The following NAV2 variants were observed in gnomAD, a reference collection of about 807,000 sequenced individuals.
NAV2 encodes the protein neuron navigator 2.
A neutral mutation model predicts 223.2 loss-of-function variants in NAV2; 54 were observed. The ratio of observed to expected loss-of-function variants is 0.24; its 90% CI spans 0.19 to 0.30. The LOEUF (loss-of-function observed/expected upper bound fraction) is 0.30. Among genes scored for constraint, NAV2 ranks in the 10% least tolerant of loss-of-function variants. The probability of loss-of-function intolerance (pLI) is 1.00; values close to 1 mark genes in which losing one functional copy is unlikely to be tolerated. For missense variants in NAV2, 2,806 were observed against 3,147.5 expected, an observed-to-expected ratio of 0.89 and a Z score of 2.60; for synonymous variants, 1,279 against 1,239.3, an observed-to-expected ratio of 1.03 and a Z score of -0.67.
At chr11:19,743,193 C>A (rs188994684) in intron 1 of NAV2, among the ~76,000 whole-genome samples, 1 of 152,266 alleles carries the variant, frequency 6.6e-6, no homozygotes, top group Non-Finnish European at 1.5e-5. Context: ...CATAAGGCCA[C>A]TGTGAGGCTC....
Position 19,959,689 on chromosome 11 carries a change from C to T in NAV2, c.2645+10609C>T, listed in dbSNP as rs189885373. On this transcript the variant is annotated intron_variant, in intron 10 of 37. Transcript: ENST00000349880. ...ACTTAACATATTTCATGCTCTTCCC[C>T]GCATGACTCCTCCCCAAGCCCCAAA... 9.3e-4 allele frequency among the ~76,000 whole-genome samples: 142 copies of T among 152,282 alleles called. 1 individual carries two copies. The highest frequency in any genetic ancestry group is 3.1e-3 in the African/African-American group (127 of 41,572).
At chr11:19,679,311 G>T (rs1392929172) in intron 1 of NAV2, among the ~76,000 whole-genome samples, 1 of 152,064 alleles carries the variant, frequency 6.6e-6, no homozygotes, top group Non-Finnish European at 1.5e-5. Context: ...CATGCCTGTA[G>T]TCTCAGCTAC....
At chr11:19,608,648 T>C (rs910509288) in intron 1 of NAV2, among the ~76,000 whole-genome samples, 1 of 152,270 alleles carries the variant, frequency 6.6e-6, no homozygotes, top group African/African-American at 2.4e-5. Flanking sequence ...TAAAACCTAG[T>C]TGTACTGACA....
At chr11:20,005,255 T>TATATATA (rs1565747945) in intron 11 of NAV2, among the ~76,000 whole-genome samples, 51 of 9,402 alleles carry the variant, frequency 5.4e-3, no homozygotes, top group African/African-American at 7.5e-3. Context: ...ATATATATAT[T>TATATATA]TTTTTTTTTT....
intron 1 of NAV2, among the ~76,000 whole-genome samples, chr11:19,542,774 A>G (rs1011835112): frequency 2.0e-5 from 3 of 152,236 alleles, no homozygotes; most frequent in Non-Finnish European, 4.4e-5. Flanking sequence ...ACTGAGATTC[A>G]GGAAACATGG....
chr11:19,364,257 G>T (rs1362168946), intron 1 of NAV2, among the ~76,000 whole-genome samples: 1 of 152,126 alleles, frequency 6.6e-6, no homozygotes, highest in Admixed American at 6.5e-5. Context: ...AAATTCCAAG[G>T]GTTTCAGAAG....
At chr11:19,962,499 AG>A (rs906954855) in intron 10 of NAV2, among the ~76,000 whole-genome samples, 1 of 152,146 alleles carries the variant, frequency 6.6e-6, no homozygotes, top group African/African-American at 2.4e-5. Flanking sequence ...CCTGTGGCCC[AG>A]GGTCAACACA....
At chr11:19,727,298 A>T (rs568331079) in intron 1 of NAV2, among the ~76,000 whole-genome samples, 20 of 152,280 alleles carry the variant, frequency 1.3e-4, no homozygotes, top group African/African-American at 4.8e-4. Flanking sequence ...CCGTCTCACA[A>T]ATGGCTGTGA....
At chr11:19,684,729 T>C (rs1278096985) in intron 1 of NAV2, among the ~76,000 whole-genome samples, 3 of 152,102 alleles carry the variant, frequency 2.0e-5, no homozygotes, top group Non-Finnish European at 4.4e-5. Context: ...CCTCATCCAG[T>C]CCTGAGTCTC....
chr11:19,831,929 C>A (rs1040795325), intron 1 of NAV2, among the ~76,000 whole-genome samples: 4 of 152,186 alleles, frequency 2.6e-5, no homozygotes, highest in Non-Finnish European at 5.9e-5. Flanking sequence ...TATTGTGAGG[C>A]CATAAATAAC....
intron 1 of NAV2, among the ~76,000 whole-genome samples, chr11:19,676,299 C>A (rs2048709296): frequency 6.6e-6 from 1 of 151,060 alleles, no homozygotes; most frequent in Non-Finnish European, 1.5e-5. Flanking sequence ...AACTGGCTCT[C>A]CCACCTTCCA....
intron 10 of NAV2, among the ~76,000 whole-genome samples, chr11:19,975,108 A>C (rs1346551874): frequency 6.6e-6 from 1 of 152,194 alleles, no homozygotes; most frequent in African/African-American, 2.4e-5. Flanking sequence ...GATGTGTTTC[A>C]TCTTTCAGAA....
In NAV2 at chr11:19,904,965, G is replaced by A. The variant is rs532061004; in HGVS notation, c.931+12371G>A. ...GGTAAAGTTGGTGTGATTTGTTCTG[G>A]AAGAGTCTCCTCCACCTCAGTAATT... On this transcript the variant is annotated intron_variant, in intron 6 of 37. Transcript: ENST00000349880. 1.4e-4 allele frequency among the ~76,000 whole-genome samples: 21 copies of A among 152,242 alleles called. No homozygotes were observed. In the South Asian group the frequency reaches 4.4e-3, roughly 32 times the overall value.
At chr11:19,844,196 T>C (rs1350301441) in intron 3 of NAV2, among the ~76,000 whole-genome samples, 4 of 152,198 alleles carry the variant, frequency 2.6e-5, no homozygotes, top group African/African-American at 7.2e-5. Flanking sequence ...GTATTAATAA[T>C]TGAGAAAATT....
intron 1 of NAV2, 61 bp from the exon 2 acceptor site, chr11:19,832,423 C>T (rs911153129): frequency 7.4e-6 from 10 of 1,359,222 alleles, no homozygotes; most frequent in African/African-American, 5.8e-5. Flanking sequence ...GAGCAGCTGC[C>T]TCAGACTCTG....
At chr11:20,046,374 A>G (rs913010728) in intron 14 of NAV2, among the ~76,000 whole-genome samples, 2 of 151,790 alleles carry the variant, frequency 1.3e-5, no homozygotes, top group Non-Finnish European at 2.9e-5. Context: ...CATCCAATCC[A>G]GAATGAGGTC....
intron 1 of NAV2, among the ~76,000 whole-genome samples, chr11:19,489,952 A>G (rs1223148101): frequency 6.6e-6 from 1 of 152,210 alleles, no homozygotes; most frequent in Non-Finnish European, 1.5e-5. Context: ...CATTGGAGAT[A>G]TCGCGGGTTC....
intron 1 of NAV2, among the ~76,000 whole-genome samples, chr11:19,692,619 AATCAAATCTT>A (rs1250519879): frequency 1.3e-5 from 2 of 152,176 alleles, no homozygotes; most frequent in African/African-American, 4.8e-5. Context: ...TAATGAGCAA[AATCAAATCTT>A]ATCTAATGCC....
At chr11:20,076,325 A>G (rs189620913) in intron 22 of NAV2, among the ~76,000 whole-genome samples, 65 of 152,326 alleles carry the variant, frequency 4.3e-4, no homozygotes, top group Non-Finnish European at 8.4e-4. Flanking sequence ...TCCAACATAT[A>G]TGATTGAGTG....
Sources: allele counts gnomAD v4.1 joint callset (sites outside exome capture counted in the v4.1 genomes callset), GRCh38; gene constraint gnomAD v4.1.1; transcripts MANE v1.5; gene names NCBI Gene and HGNC (gene_info 2026-07-23, HGNC 2026-07-21).